The following SPTAN1 variants were observed in gnomAD, a reference collection of about 807,000 sequenced individuals.
SPTAN1 encodes the protein spectrin alpha, non-erythrocytic 1.
Under a neutral mutation model 331.3 loss-of-function variants are expected in SPTAN1, and 61 were observed. The ratio of observed to expected loss-of-function variants is 0.18; its 90% CI spans 0.15 to 0.23. The LOEUF is 0.23. Ranked by LOEUF, SPTAN1 falls within the 10% of genes least tolerant of loss-of-function variation. SPTAN1 has a pLI of 1.00. For missense variants in SPTAN1, 2,043 were observed against 3,147.9 expected, an observed-to-expected ratio of 0.65 and a Z score of 8.40; for synonymous variants, 1,153 against 1,173.9, an observed-to-expected ratio of 0.98 and a Z score of 0.36.
At chr9:128,595,999 A>C (rs1854227200) in intron 24 of SPTAN1, 1 of 152,188 alleles carries the variant, frequency 6.6e-6, no homozygotes, top group East Asian at 1.9e-4. Context: ...ATGCACCACT[A>C]TGCTCAGCTA....
At chr9:128,593,415 T>C (rs78966823) in intron 23 of SPTAN1, 1 of 246,970 alleles carries the variant, frequency 4.0e-6, no homozygotes, top group South Asian at 6.9e-5. Context: ...TGGTAACTCA[T>C]TGCTTTTTTA....
intron 3 of SPTAN1, among the ~76,000 whole-genome samples, chr9:128,573,409 A>G (rs1850947781): frequency 6.6e-6 from 1 of 152,180 alleles, no homozygotes; most frequent in East Asian, 1.9e-4. Context: ...TTTTTCTATC[A>G]GGGATCCTTT....
At chr9:128,582,622 G>A in intron 13 of SPTAN1, 66 bp downstream of exon 13, 1 of 1,610,988 alleles carries the variant, frequency 6.2e-7, no homozygotes, top group Middle Eastern at 1.7e-4. Context: ...AGATGTTCCA[G>A]TTAAGTCTCT....
At chr9:128,561,266 G>A (rs1296362642) in intron 1 of SPTAN1, among the ~76,000 whole-genome samples, 4 of 151,722 alleles carry the variant, frequency 2.6e-5, no homozygotes, top group Non-Finnish European at 4.4e-5. Context: ...CCAGCTACTC[G>A]GGAGGCTGAG....
intron 19 of SPTAN1, 117 bp from the exon 20 acceptor site, chr9:128,587,489 A>G (rs1328820901): frequency 6.3e-6 from 5 of 797,386 alleles, no homozygotes; most frequent in South Asian, 5.6e-5. Context: ...GCAGGAGGTG[A>G]TTACGTCATT....
At chr9:128,587,491 T>A in intron 19 of SPTAN1, 115 bp from the exon 20 acceptor site, 2 of 805,010 alleles carry the variant, frequency 2.5e-6, no homozygotes, top group Non-Finnish European at 4.4e-6. Context: ...AGGAGGTGAT[T>A]ACGTCATTGT....
chr9:128,613,946 G>A (rs1020657480), intron 40 of SPTAN1, among the ~76,000 whole-genome samples: 2 of 151,312 alleles, frequency 1.3e-5, no homozygotes, highest in African/African-American at 2.4e-5. Context: ...CGGAGGTTGC[G>A]GTAAGCCAAG....
intron 1 of SPTAN1, among the ~76,000 whole-genome samples, chr9:128,561,662 CAA>C (rs762156669): frequency 0.022 from 349 of 15,940 alleles, no homozygotes; most frequent in South Asian, 0.049. Flanking sequence ...GACTCCGTCT[CAA>C]AAAAAAAAAA....
In SPTAN1 at chr9:128,578,170, C is replaced by T; in HGVS notation, c.1146C>T (p.Ala382=). The T allele has an allele frequency of 6.2e-7, 1 of 1,614,082 alleles. No homozygotes were observed. Among genetic ancestry groups the T allele is most frequent in the South Asian group, 1.1e-5 (1 of 91,064 alleles). The change falls in exon 9 of 57, where the codon GCC becomes GCT. Residue 382 remains alanine, a synonymous_variant. Transcript: ENST00000372739. ...CCAGCTGGGTGACTGAGATGAAAGC[C>T]CTCATCAATGCAGATGAGCTTGCCA... The part of the protein sequence containing the change: ...DLTSWVTEMK[A]LINADELASD...
chr9:128,598,671 AC>A (rs1355662424), intron 25 of SPTAN1, 167 bp downstream of exon 25: 5 of 700,796 alleles, frequency 7.1e-6, no homozygotes, highest in South Asian at 6.2e-5. Flanking sequence ...ACTTCTTTAT[AC>A]CCATATCCCT....
chr9:128,609,431 C>T, intron 36 of SPTAN1, 147 bp downstream of exon 36: 1 of 1,299,264 alleles, frequency 7.7e-7, no homozygotes, highest in South Asian at 1.3e-5. Context: ...GTGGGAAAGC[C>T]CTAGTCAAGT....
chr9:128,597,771 C>T (rs1854506962), intron 24 of SPTAN1, among the ~76,000 whole-genome samples: 2 of 152,200 alleles, frequency 1.3e-5, no homozygotes, highest in East Asian at 1.9e-4. Context: ...CTGCCTCAAC[C>T]TCCCGAACAG....
At chr9:128,607,770 C>T in intron 32 of SPTAN1, 67 bp downstream of exon 32, 3 of 1,611,270 alleles carry the variant, frequency 1.9e-6, no homozygotes, top group Non-Finnish European at 2.5e-6. Flanking sequence ...GGCCTCATTC[C>T]CACCCTTTGT....
Position 128,583,972 on chromosome 9 carries a change from A to G in SPTAN1, c.2193+3A>G. The G allele has an allele frequency of 3.1e-6, 5 of 1,614,152 alleles. No individual in the cohort carries two copies. The highest frequency in any genetic ancestry group is 4.2e-6 in the Non-Finnish European group (5 of 1,180,002). ...AGGCAGATGTGGCTGCTCACCAGGT[A>G]GTGTGAACTGGGGGCTGTGGTTGGG... On this transcript the variant is annotated splice_donor_region_variant and intron_variant, in intron 16 of 56. Transcript: ENST00000372739.
chr9:128,617,057 G>C (rs989880561), intron 41 of SPTAN1, among the ~76,000 whole-genome samples: 1 of 151,998 alleles, frequency 6.6e-6, no homozygotes, highest in East Asian at 1.9e-4. Context: ...GGGCAACATG[G>C]TGAAAACTCA....
intron 26 of SPTAN1, chr9:128,599,723 G>A: frequency 5.0e-6 from 1 of 199,944 alleles, no homozygotes; most frequent in Middle Eastern, 2.2e-3. Flanking sequence ...TGTCTCTTCA[G>A]TTTTCTAAAA....
intron 30 of SPTAN1, 44 bp from the exon 31 acceptor site, chr9:128,605,252 C>CA (rs1332107149): frequency 1.2e-6 from 2 of 1,614,034 alleles, no homozygotes; most frequent in African/African-American, 1.3e-5. Flanking sequence ...TTCTGCAGAG[C>CA]ATACCCCCTT....
At position 128,608,033 on chromosome 9, in the gene SPTAN1, A is replaced by G; in HGVS notation, c.4328A>G (p.Gln1443Arg). ...GTTCAGCGCAGGATGATGCTGGATCAGTGCCTTGAACTGCAGGTGTGTGTG... is the reference window on the plus strand; with the variant it reads ...GTTCAGCGCAGGATGATGCTGGATCGGTGCCTTGAACTGCAGGTGTGTGTG... The part of the protein sequence containing the change: ...AWVQRRMMLD[Q>R]CLELQLFHRD... Residue 1443 changes from glutamine (Q) to arginine (R), a missense_variant, in exon 33 of 57, where the codon CAG (glutamine) becomes CGG (arginine). Physicochemically the swap from Gln to Arg is conservative, Grantham distance 43 (BLOSUM62 1). This residue lies in a region of SPTAN1 where 179 missense variants were observed against 215.7 expected (regional missense o/e 0.83). Transcript: ENST00000372739. 1 of 1,614,152 alleles carries G rather than the reference A, an allele frequency of 6.2e-7. No individual in the cohort carries two copies. The highest frequency in any genetic ancestry group is 8.5e-7 in the Non-Finnish European group (1 of 1,180,028).
chr9:128,582,578 GCTC>G, intron 13 of SPTAN1, 22 bp downstream of exon 13: 2 of 1,612,920 alleles, frequency 1.2e-6, no homozygotes, highest in Non-Finnish European at 1.7e-6. Flanking sequence ...GGTTCTTCAT[GCTC>G]CTCCTTTTTG....
Sources: gnomAD v4.1 joint callset for allele counts (sites outside exome capture counted in the v4.1 genomes callset) on GRCh38, gnomAD v4.1.1 for gene constraint, gnomAD v4.1.1 regional missense constraint, MANE v1.5 for transcripts, NCBI Gene and HGNC (gene_info 2026-07-23, HGNC 2026-07-21) for gene names.